Variants in MKLN1 observed in about 807,000 individuals in gnomAD.
MKLN1 encodes muskelin.
Under a neutral mutation model 99.0 loss-of-function variants are expected in MKLN1, and 18 were observed. The ratio of observed to expected loss-of-function variants is 0.18; its 90% CI spans 0.13 to 0.27. The LOEUF is 0.27. Among genes scored for constraint, MKLN1 ranks in the 10% least tolerant of loss-of-function variants. MKLN1 has a pLI of 1.00. For missense variants in MKLN1, 621 were observed against 875.9 expected, an observed-to-expected ratio of 0.71 and a Z score of 3.67; for synonymous variants, 288 against 293.2, an observed-to-expected ratio of 0.98 and a Z score of 0.18.
At chr7:131,113,899 C>T (rs979871745) in intron 1 of MKLN1, among the ~76,000 whole-genome samples, 3 of 152,128 alleles carry the variant, frequency 2.0e-5, no homozygotes, top group Non-Finnish European at 4.4e-5. Flanking sequence ...ACTTTTAAAA[C>T]CGTCAGATCT....
intron 1 of MKLN1, among the ~76,000 whole-genome samples, chr7:131,342,913 T>A (rs1394565032): frequency 6.6e-6 from 1 of 152,246 alleles, no homozygotes; most frequent in East Asian, 1.9e-4. Context: ...ATAAACAGAT[T>A]ATTAGGTGCT....
chr7:131,457,917 A>G (rs1291009756), intron 12 of MKLN1, among the ~76,000 whole-genome samples: 1 of 151,696 alleles, frequency 6.6e-6, no homozygotes, highest in Non-Finnish European at 1.5e-5. Context: ...CTCCATCTCA[A>G]AAAAAAAATG....
intron 2 of MKLN1, among the ~76,000 whole-genome samples, chr7:131,175,007 ATAGG>A (rs1796273712): frequency 8.1e-6 from 1 of 123,632 alleles, no homozygotes; most frequent in Non-Finnish European, 1.7e-5. Flanking sequence ...AGATAGATAG[ATAGG>A]GTGGGTATAT....
At chr7:131,312,536 A>G (rs1798585438) in intron 3 of MKLN1, among the ~76,000 whole-genome samples, 1 of 152,182 alleles carries the variant, frequency 6.6e-6, no homozygotes, top group African/African-American at 2.4e-5. Context: ...GATTAATCTT[A>G]TACAAACCTT....
chr7:131,442,225 T>C (rs1225958526), intron 10 of MKLN1, among the ~76,000 whole-genome samples: 2 of 152,186 alleles, frequency 1.3e-5, no homozygotes, highest in Non-Finnish European at 2.9e-5. Context: ...TTTTTAATAA[T>C]AACTACAGTT....
At chr7:131,374,201 G>A (rs1417136872) in intron 1 of MKLN1, among the ~76,000 whole-genome samples, 1 of 151,934 alleles carries the variant, frequency 6.6e-6, no homozygotes, top group Non-Finnish European at 1.5e-5. Context: ...CCTGGCTCTG[G>A]AATCAGCCAT....
chr7:131,117,456 C>CAACAACA (rs1554524746), intron 1 of MKLN1, among the ~76,000 whole-genome samples: 1 of 149,802 alleles, frequency 6.7e-6, no homozygotes, highest in Admixed American at 6.7e-5. Context: ...ACAACAACAA[C>CAACAACA]AACAAACAAA....
At chr7:131,122,947 C>G (rs1584774238) in intron 1 of MKLN1, among the ~76,000 whole-genome samples, 1 of 127,674 alleles carries the variant, frequency 7.8e-6, no homozygotes, top group Non-Finnish European at 1.6e-5. Context: ...GGCGTGAACC[C>G]GGGAGGCGGA....
intron 3 of MKLN1, among the ~76,000 whole-genome samples, chr7:131,272,610 A>T (rs148830382): frequency 2.6e-5 from 4 of 152,326 alleles, no homozygotes; most frequent in African/African-American, 9.6e-5. Flanking sequence ...CTGCTGATAA[A>T]GACATACTTG....
intron 3 of MKLN1, among the ~76,000 whole-genome samples, chr7:131,302,492 C>G (rs891618073): frequency 1.3e-5 from 2 of 152,282 alleles, no homozygotes; most frequent in South Asian, 2.1e-4. Flanking sequence ...TCCCAAAAGG[C>G]TGTTTGGTTC....
At chr7:131,441,436 T>C (rs981620346) in intron 10 of MKLN1, among the ~76,000 whole-genome samples, 1 of 152,240 alleles carries the variant, frequency 6.6e-6, no homozygotes, top group Non-Finnish European at 1.5e-5. Context: ...TTATCCACTA[T>C]TTTGATTTTA....
intron 1 of MKLN1, among the ~76,000 whole-genome samples, chr7:131,128,338 C>A (rs6974649): frequency 0.43 from 64,730 of 151,790 alleles, 15,622 homozygotes; most frequent in Non-Finnish European, 0.56. Context: ...TGCTGAAAAG[C>A]TGAAAGTAGT....
At chr7:131,132,811 A>C (rs112212292) in intron 1 of MKLN1, among the ~76,000 whole-genome samples, 12,036 of 150,620 alleles carry the variant, frequency 0.08, 731 homozygotes, top group South Asian at 0.28. Context: ...CTGTAATCCC[A>C]GTTACTCATG....
chr7:131,146,432 T>C (rs546607393), intron 2 of MKLN1, among the ~76,000 whole-genome samples: 2 of 152,350 alleles, frequency 1.3e-5, no homozygotes, highest in African/African-American at 4.8e-5. Flanking sequence ...ATCACTCTAA[T>C]GAAATAATCA....
At chr7:131,179,556 C>CATTATA (rs1796349121) in intron 2 of MKLN1, among the ~76,000 whole-genome samples, 1 of 150,352 alleles carries the variant, frequency 6.7e-6, no homozygotes, top group Non-Finnish European at 1.5e-5. Flanking sequence ...TTAAAAGAGA[C>CATTATA]ATTATTATTA....
At chr7:131,266,237 A>T (rs1797806321) in intron 3 of MKLN1, among the ~76,000 whole-genome samples, 2 of 151,872 alleles carry the variant, frequency 1.3e-5, no homozygotes, top group Admixed American at 6.6e-5. Flanking sequence ...TAAAGAGAGT[A>T]TACTGGAAAG....
chr7:131,422,670 TA>T (rs1386439036), intron 8 of MKLN1, among the ~76,000 whole-genome samples: 5 of 152,244 alleles, frequency 3.3e-5, no homozygotes, highest in Non-Finnish European at 7.3e-5. Context: ...GTGTCTCATA[TA>T]CCTTGTTTTC....
intron 3 of MKLN1, among the ~76,000 whole-genome samples, chr7:131,283,346 C>G: frequency 1.9e-5 from 1 of 51,446 alleles, no homozygotes; most frequent in Admixed American, 2.4e-4. Flanking sequence ...TTCCCTTCCC[C>G]TCCTTCCTTC....
chr7:131,262,897 C>T (rs112882650), intron 3 of MKLN1, among the ~76,000 whole-genome samples: 9,317 of 152,176 alleles, frequency 0.061, 354 homozygotes, highest in Middle Eastern at 0.12. Flanking sequence ...CCTTTCTCCA[C>T]ACTCACATAC....
Sources: gnomAD v4.1 joint callset for allele counts (sites outside exome capture counted in the v4.1 genomes callset) on GRCh38, gnomAD v4.1.1 for gene constraint, MANE v1.5 for transcripts, NCBI Gene and HGNC (gene_info 2026-07-23, HGNC 2026-07-21) for gene names.